The following LRMDA variants were observed in gnomAD, a reference collection of about 807,000 sequenced individuals.
The protein encoded by LRMDA is leucine-rich melanocyte differentiation-associated protein.
A neutral mutation model predicts 29.8 loss-of-function variants in LRMDA; 18 were observed. That is an observed-to-expected ratio of 0.60 (90% CI 0.42 to 0.90). LRMDA has a LOEUF of 0.90. Ranked by LOEUF, LRMDA falls within the 40% of genes least tolerant of loss-of-function variation. The probability of loss-of-function intolerance (pLI) is 0.00; values close to 1 mark genes in which losing one functional copy is unlikely to be tolerated. For synonymous variants in LRMDA, 125 were observed against 109.4 expected, an observed-to-expected ratio of 1.14 and a Z score of -0.89; for missense variants, 273 against 273.9, an observed-to-expected ratio of 1.00 and a Z score of 0.02.
chr10:75,530,860 C>T (rs1182799868), intron 2 of LRMDA, among the ~76,000 whole-genome samples: 1 of 152,138 alleles, frequency 6.6e-6, no homozygotes, highest in Non-Finnish European at 1.5e-5. Flanking sequence ...GTTGCTGGTG[C>T]CTGGGCTCCT....
intron 6 of LRMDA, among the ~76,000 whole-genome samples, chr10:76,490,870 T>C (rs1842827173): frequency 6.6e-6 from 1 of 151,978 alleles, no homozygotes; most frequent in Admixed American, 6.6e-5. Context: ...TTCCTTGCTG[T>C]CTTTTAGTGA....
intron 2 of LRMDA, among the ~76,000 whole-genome samples, chr10:75,504,338 G>A (rs1845148326): frequency 1.3e-5 from 2 of 151,940 alleles, no homozygotes; most frequent in Admixed American, 1.3e-4. Flanking sequence ...TGGGTGCTAG[G>A]GATTCAGGAG....
chr10:75,765,636 A>T (rs1264415181), intron 2 of LRMDA, among the ~76,000 whole-genome samples: 1 of 151,954 alleles, frequency 6.6e-6, no homozygotes, highest in Admixed American at 6.6e-5. Context: ...GAAGGGCATG[A>T]TTGATTCTGC....
In LRMDA at chr10:75,894,924, T is replaced by C. The variant is rs72811464; in HGVS notation, c.132-141084T>C. Among the ~76,000 whole-genome samples, 1,005 of 152,310 alleles carry C rather than the reference T, an allele frequency of 6.6e-3. 2 individuals are homozygous for C. Among genetic ancestry groups the C allele is most frequent in the Non-Finnish European group, 9.7e-3 (661 of 68,018 alleles). ...CATCATCATAAACCCACAAGTTAGG[T>C]AATACTGTTTTCCTTACTTTCAGAT... On this transcript the variant is annotated intron_variant, in intron 2 of 6. Coordinates refer to ENST00000611255, the MANE Select transcript of LRMDA (RefSeq NM_001305581.2).
intron 6 of LRMDA, among the ~76,000 whole-genome samples, chr10:76,380,365 A>G (rs1433379366): frequency 2.6e-5 from 4 of 151,924 alleles, no homozygotes; most frequent in South Asian, 2.1e-4. Context: ...ATGTTTGTGT[A>G]TCTTAAGAAT....
Position 76,330,405 on chromosome 10 carries a change from T to C in LRMDA, c.601+5920T>C, listed in dbSNP as rs540692817. On this transcript the variant is annotated intron_variant, in intron 6 of 6. Transcript: ENST00000611255. The stretch of plus-strand genomic sequence containing the variant: ...TTGAGGGGAAACCTAGCAAGGCCTG[T>C]CTGTTCAGATTCTTCTTGGCCTCTC... Among the ~76,000 whole-genome samples, 12 of 152,322 alleles carry C rather than the reference T, an allele frequency of 7.9e-5. No homozygotes were observed. In the South Asian group the frequency reaches 2.3e-3, roughly 29 times the overall value.
At chr10:75,484,956 G>T (rs1015318316) in intron 2 of LRMDA, among the ~76,000 whole-genome samples, 30 of 152,204 alleles carry the variant, frequency 2.0e-4, no homozygotes, top group African/African-American at 7.2e-4. Flanking sequence ...ACTTACATTT[G>T]TAAGTATAGA....
intron 5 of LRMDA, among the ~76,000 whole-genome samples, chr10:76,164,932 A>G (rs902401647): frequency 6.6e-6 from 1 of 152,158 alleles, no homozygotes; most frequent in Non-Finnish European, 1.5e-5. Context: ...ATGTGAGACT[A>G]CGTAATTTAT....
intron 2 of LRMDA, among the ~76,000 whole-genome samples, chr10:75,546,763 T>A (rs960447944): frequency 3.3e-5 from 5 of 152,218 alleles, no homozygotes; most frequent in African/African-American, 7.2e-5. Context: ...TTAATAATAA[T>A]CATTACTGAT....
rs901104972 is a variant in LRMDA at position 75,723,686 on chromosome 10, C to T, written c.131+285192C>T. Among the ~76,000 whole-genome samples the T allele has an allele frequency of 7.2e-5, 11 of 152,312 alleles. No homozygotes were observed. The South Asian group carries it at 1.9e-3, about 26-fold the overall frequency. Reference sequence around the variant, plus strand: ...CAATTAAAACTGATATGACTCTTAACAGAAGTGGCAAGAGCAGGCAGGATG... The same window carrying T: ...CAATTAAAACTGATATGACTCTTAATAGAAGTGGCAAGAGCAGGCAGGATG... On this transcript the variant is annotated intron_variant, in intron 2 of 6. Coordinates refer to ENST00000611255, the MANE Select transcript of LRMDA (RefSeq NM_001305581.2).
At chr10:76,078,321 T>C (rs1187645327) in intron 5 of LRMDA, among the ~76,000 whole-genome samples, 1 of 152,004 alleles carries the variant, frequency 6.6e-6, no homozygotes, top group Admixed American at 6.6e-5. Flanking sequence ...TATTAACTCT[T>C]GAACACGTGT....
At chr10:75,733,256 T>G (rs1842720701) in intron 2 of LRMDA, among the ~76,000 whole-genome samples, 1 of 152,222 alleles carries the variant, frequency 6.6e-6, no homozygotes, top group African/African-American at 2.4e-5. Context: ...AGTGGTGAGC[T>G]CTGCATCATT....
At chr10:76,142,886 C>T (rs1850232190) in intron 5 of LRMDA, among the ~76,000 whole-genome samples, 1 of 151,480 alleles carries the variant, frequency 6.6e-6, no homozygotes, top group Non-Finnish European at 1.5e-5. Flanking sequence ...GTTCCCCTTC[C>T]TGTGTCCATG....
At chr10:75,758,672 G>A (rs1471075914) in intron 2 of LRMDA, among the ~76,000 whole-genome samples, 4 of 152,230 alleles carry the variant, frequency 2.6e-5, no homozygotes, top group Admixed American at 6.5e-5. Context: ...TTTTGTGAGT[G>A]TAGTCTTTGT....
intron 2 of LRMDA, among the ~76,000 whole-genome samples, chr10:75,907,932 T>C (rs1845783348): frequency 6.6e-6 from 1 of 152,112 alleles, no homozygotes; most frequent in African/African-American, 2.4e-5. Context: ...TGAGCATGAC[T>C]CTTGGGCAGG....
At chr10:75,541,172 G>A (rs569650970) in intron 2 of LRMDA, among the ~76,000 whole-genome samples, 1 of 152,228 alleles carries the variant, frequency 6.6e-6, no homozygotes, top group African/African-American at 2.4e-5. Context: ...TCCTGGATTT[G>A]AGCCTTTGTC....
chr10:75,839,596 G>GT (rs937959623), intron 2 of LRMDA, among the ~76,000 whole-genome samples: 25 of 137,238 alleles, frequency 1.8e-4, no homozygotes, highest in African/African-American at 6.4e-4. Context: ...TCATCACTCT[G>GT]TTTGCTACCT....
At position 75,903,658 on chromosome 10, in the gene LRMDA, A is replaced by G. The variant is rs79620917; in HGVS notation, c.132-132350A>G. On this transcript the variant is annotated intron_variant, in intron 2 of 6. Coordinates refer to ENST00000611255, the MANE Select transcript of LRMDA (RefSeq NM_001305581.2). ...AATGCCAGAGCCTCGAGAAGTCTTTATGGACTCAGTGCGATCACTAGGAGT... is the reference window on the plus strand; with the variant it reads ...AATGCCAGAGCCTCGAGAAGTCTTTGTGGACTCAGTGCGATCACTAGGAGT... 1.2e-4 allele frequency among the ~76,000 whole-genome samples: 18 copies of G among 152,372 alleles called. No individual in the cohort carries two copies. The East Asian group carries it at 2.5e-3, about 21-fold the overall frequency.
At chr10:76,012,944 A>G (rs1847810547) in intron 2 of LRMDA, among the ~76,000 whole-genome samples, 1 of 152,204 alleles carries the variant, frequency 6.6e-6, no homozygotes, top group Non-Finnish European at 1.5e-5. Flanking sequence ...ATAAAGGAGA[A>G]AGTGAGGGAT....
Sources: allele counts gnomAD v4.1 joint callset (sites outside exome capture counted in the v4.1 genomes callset), GRCh38; gene constraint gnomAD v4.1.1; transcripts MANE v1.5; gene names NCBI Gene and HGNC (gene_info 2026-07-23, HGNC 2026-07-21).